PRKCE: variants seen among roughly 807,000 people sequenced by gnomAD.
PRKCE encodes protein kinase C epsilon.
A neutral mutation model predicts 85.4 loss-of-function variants in PRKCE; 16 were observed. The ratio of observed to expected loss-of-function variants is 0.19; its 90% confidence interval spans 0.13 to 0.28. The LOEUF (loss-of-function observed/expected upper bound fraction) is 0.28. Ranked by LOEUF, PRKCE falls within the 10% of genes least tolerant of loss-of-function variation. PRKCE has a pLI of 1.00. For synonymous variants in PRKCE, 388 were observed against 371.5 expected, an observed-to-expected ratio of 1.04 and a Z score of -0.51; for missense variants, 573 against 975.2, an observed-to-expected ratio of 0.59 and a Z score of 5.49.
chr2:45,781,445 G>A (rs1686180765), intron 1 of PRKCE, among the ~76,000 whole-genome samples: 1 of 152,206 alleles, frequency 6.6e-6, no homozygotes, highest in South Asian at 2.1e-4. Context: ...CAGTTCTTCA[G>A]TATCTTTGAT....
chr2:45,886,795 A>G (rs1695336670), intron 2 of PRKCE, among the ~76,000 whole-genome samples: 1 of 152,262 alleles, frequency 6.6e-6, no homozygotes, highest in African/African-American at 2.4e-5. Flanking sequence ...AAAGACTTAG[A>G]AAGTGCCTTT....
chr2:45,770,862 A>C (rs1169060727), intron 1 of PRKCE: 1 of 50,770 alleles, frequency 2.0e-5, no homozygotes, highest in Non-Finnish European at 5.4e-5. Context: ...CAAAACAAAC[A>C]AGGGCTTTTT....
chr2:46,056,224 G>A (rs955591802), intron 10 of PRKCE, among the ~76,000 whole-genome samples: 13 of 151,574 alleles, frequency 8.6e-5, no homozygotes, highest in Non-Finnish European at 1.3e-4. Flanking sequence ...ACTTCTTCAC[G>A]GTTAATGTTC....
chr2:45,893,184 G>T (rs1695864855), intron 2 of PRKCE, among the ~76,000 whole-genome samples: 1 of 152,166 alleles, frequency 6.6e-6, no homozygotes, highest in South Asian at 2.1e-4. Flanking sequence ...TTGGTGGAAA[G>T]AAGTGGCCTG....
At chr2:45,760,491 A>G (rs1200831135) in intron 1 of PRKCE, among the ~76,000 whole-genome samples, 1 of 152,208 alleles carries the variant, frequency 6.6e-6, no homozygotes, top group Non-Finnish European at 1.5e-5. Flanking sequence ...TAAAAGACAC[A>G]GTGGCATAAT....
At chr2:45,771,702 C>T (rs372142956) in intron 1 of PRKCE, among the ~76,000 whole-genome samples, 28 of 146,918 alleles carry the variant, frequency 1.9e-4, no homozygotes, top group East Asian at 1.0e-3. Context: ...CAGAGTGGGG[C>T]GTGTGTGTGT....
chr2:45,960,525 G>A (rs1404155467), intron 2 of PRKCE, among the ~76,000 whole-genome samples: 6 of 152,150 alleles, frequency 3.9e-5, no homozygotes, highest in Non-Finnish European at 8.8e-5. Context: ...GATCCCTCAC[G>A]TGTGCAGTTT....
At chr2:46,171,417 T>C (rs1429035026) in intron 14 of PRKCE, among the ~76,000 whole-genome samples, 1 of 152,242 alleles carries the variant, frequency 6.6e-6, no homozygotes, top group Non-Finnish European at 1.5e-5. Context: ...AACACCGCTA[T>C]TGACAGAAAC....
At chr2:46,062,977 A>C (rs1362467176) in intron 10 of PRKCE, among the ~76,000 whole-genome samples, 1 of 152,166 alleles carries the variant, frequency 6.6e-6, no homozygotes, top group Non-Finnish European at 1.5e-5. Flanking sequence ...TTACATACAA[A>C]TCTTCCAGTT....
intron 2 of PRKCE, among the ~76,000 whole-genome samples, chr2:45,941,521 A>T (rs1286967447): frequency 6.6e-6 from 1 of 152,186 alleles, no homozygotes; most frequent in Non-Finnish European, 1.5e-5. Context: ...TGCAGCTCAG[A>T]GAAAGCAGGG....
At chr2:45,664,051 A>C (rs1295773703) in intron 1 of PRKCE, among the ~76,000 whole-genome samples, 1 of 152,248 alleles carries the variant, frequency 6.6e-6, no homozygotes, top group Non-Finnish European at 1.5e-5. Flanking sequence ...CTTGGAGCAA[A>C]GTGTTGAACA....
chr2:45,892,845 C>T (rs77773793), intron 2 of PRKCE, among the ~76,000 whole-genome samples: 4,469 of 152,260 alleles, frequency 0.029, 119 homozygotes, highest in African/African-American at 0.072. Context: ...TGATATGTAC[C>T]CTTCTGTTTG....
chr2:45,867,909 C>T (rs1693737039), intron 2 of PRKCE, among the ~76,000 whole-genome samples: 1 of 152,106 alleles, frequency 6.6e-6, no homozygotes. Context: ...TGGGAAGCCC[C>T]CAGGTCACTT....
chr2:45,659,291 C>A (rs1172167058), intron 1 of PRKCE, among the ~76,000 whole-genome samples: 6 of 152,202 alleles, frequency 3.9e-5, no homozygotes, highest in Non-Finnish European at 8.8e-5. Flanking sequence ...GAGGGGCCAT[C>A]CTTGACGCCT....
At chr2:45,819,970 G>A (rs1394090769) in intron 1 of PRKCE, among the ~76,000 whole-genome samples, 1 of 152,104 alleles carries the variant, frequency 6.6e-6, no homozygotes, top group African/African-American at 2.4e-5. Context: ...CTGTTTCTTT[G>A]AAAAGCAACA....
intron 1 of PRKCE, among the ~76,000 whole-genome samples, chr2:45,749,895 T>A (rs1014350132): frequency 6.6e-6 from 1 of 152,176 alleles, no homozygotes; most frequent in Non-Finnish European, 1.5e-5. Flanking sequence ...GGCTCACACA[T>A]AACATTCTTC....
chr2:45,813,714 CACAG>C (rs1288194500), intron 1 of PRKCE, among the ~76,000 whole-genome samples: 8 of 152,204 alleles, frequency 5.3e-5, no homozygotes, highest in Admixed American at 3.9e-4. Flanking sequence ...GAAAAAAGAA[CACAG>C]ACAGACCGAG....
At chr2:46,031,647 A>G (rs1262612405) in intron 10 of PRKCE, among the ~76,000 whole-genome samples, 1 of 148,836 alleles carries the variant, frequency 6.7e-6, no homozygotes, top group African/African-American at 2.5e-5. Context: ...GAAAAAACCC[A>G]CTTACCCAGA....
chr2:45,775,324 C>T (rs6738524), intron 1 of PRKCE, among the ~76,000 whole-genome samples: 111,723 of 152,044 alleles, frequency 0.73, 41,180 homozygotes, highest in East Asian at 0.88. Context: ...CAAGTGTATG[C>T]GGAAAGGGCA....
Sources: gnomAD v4.1 joint callset for allele counts (sites outside exome capture counted in the v4.1 genomes callset) on GRCh38, gnomAD v4.1.1 for gene constraint, MANE v1.5 for transcripts, NCBI Gene and HGNC (gene_info 2026-07-23, HGNC 2026-07-21) for gene names.